CUX1: variants seen among roughly 807,000 people sequenced by gnomAD.
CUX1 encodes cut like homeobox 1, also known as protein CASP.
A neutral mutation model predicts 158.8 loss-of-function variants in CUX1; 31 were observed. The ratio of observed to expected loss-of-function variants is 0.20; its 90% CI spans 0.15 to 0.26. The LOEUF (loss-of-function observed/expected upper bound fraction) is 0.26. Ranked by LOEUF, CUX1 falls within the 10% of genes least tolerant of loss-of-function variation. The probability of loss-of-function intolerance (pLI) is 1.00; values close to 1 mark genes in which losing one functional copy is unlikely to be tolerated. For missense variants in CUX1, 1,589 were observed against 2,014.6 expected (o/e 0.79, Z 4.04); for synonymous variants, 879 against 862.1 (o/e 1.02, Z -0.34).
chr7:102,204,304 T>C lies in CUX1; in HGVS notation c.2908-87T>C, dbSNP rs1259765382. On this transcript the variant is annotated intron_variant, in intron 18 of 23. Coordinates refer to ENST00000292535, the MANE Select transcript of CUX1 (RefSeq NM_181552.4). ...AGAAGTCAGCCCTAGACGCGCCCTC[T>C]GCGTGGTGGGTGTGCATTGCAGCAG... is the stretch of plus-strand genomic sequence containing the variant. 5 of 1,540,752 alleles carry C rather than the reference T, an allele frequency of 3.2e-6. No individual in the cohort carries two copies. In the Admixed American group the frequency reaches 8.7e-5, roughly 27 times the overall value.
At chr7:101,947,406 C>T (rs892129930) in intron 2 of CUX1, among the ~76,000 whole-genome samples, 9 of 152,044 alleles carry the variant, frequency 5.9e-5, no homozygotes, top group African/African-American at 1.9e-4. Flanking sequence ...AAACAAAAAC[C>T]GAAAAAACCA....
intron 4 of CUX1, among the ~76,000 whole-genome samples, chr7:102,079,438 A>AG (rs1376231108): frequency 2.2e-5 from 2 of 92,104 alleles, no homozygotes; most frequent in African/African-American, 1.1e-4. Context: ...ACTCTGTCTC[A>AG]AAAAAAAAAA....
intron 20 of CUX1, among the ~76,000 whole-genome samples, chr7:102,215,831 A>G (rs1165381890): frequency 6.6e-6 from 1 of 152,148 alleles, no homozygotes; most frequent in African/African-American, 2.4e-5. Flanking sequence ...CAGCCCAGAC[A>G]TTACCCGCAC....
chr7:102,155,794 G>A (rs1200812365), intron 8 of CUX1, among the ~76,000 whole-genome samples: 1 of 152,058 alleles, frequency 6.6e-6, no homozygotes, highest in African/African-American at 2.4e-5. Context: ...GTCAGATCTT[G>A]GAGGTTTCAC....
intron 1 of CUX1, among the ~76,000 whole-genome samples, chr7:101,908,438 G>A (rs1803007487): frequency 7.0e-6 from 1 of 142,534 alleles, no homozygotes; most frequent in African/African-American, 2.6e-5. Context: ...GAACCACTGC[G>A]CCCAGCCTGT....
intron 3 of CUX1, among the ~76,000 whole-genome samples, chr7:102,058,441 ATTT>A (rs35906137): frequency 1.3e-4 from 19 of 146,810 alleles, no homozygotes; most frequent in African/African-American, 4.0e-4. Context: ...CACCTGGCTA[ATTT>A]TTTTTTTTTT....
intron 2 of CUX1, among the ~76,000 whole-genome samples, chr7:101,986,704 G>T (rs1194108725): frequency 1.3e-5 from 2 of 152,212 alleles, no homozygotes; most frequent in Non-Finnish European, 2.9e-5. Context: ...AACTGGTGGT[G>T]GTTTGGAGAC....
chr7:102,172,049 A>G (rs1372580630), intron 10 of CUX1, among the ~76,000 whole-genome samples: 2 of 152,178 alleles, frequency 1.3e-5, no homozygotes, highest in Non-Finnish European at 1.5e-5. Flanking sequence ...TCAATCATTG[A>G]CAATCATTAT....
intron 1 of CUX1, among the ~76,000 whole-genome samples, chr7:101,881,780 T>A (rs1392365409): frequency 6.6e-6 from 1 of 152,132 alleles, no homozygotes; most frequent in Non-Finnish European, 1.5e-5. Flanking sequence ...TCCAGAAACC[T>A]CCTTGAAGGT....
chr7:101,867,346 C>T (rs566034165), intron 1 of CUX1, among the ~76,000 whole-genome samples: 1 of 152,310 alleles, frequency 6.6e-6, no homozygotes, highest in African/African-American at 2.4e-5. Flanking sequence ...GTAATGTGCT[C>T]GCCCTGCCCC....
chr7:102,123,380 C>T (rs1034554682), intron 8 of CUX1, among the ~76,000 whole-genome samples: 2 of 151,820 alleles, frequency 1.3e-5, no homozygotes, highest in Non-Finnish European at 2.9e-5. Context: ...GAGGCCGAGG[C>T]GGGCGAATCA....
intron 1 of CUX1, among the ~76,000 whole-genome samples, chr7:101,897,788 G>A (rs182230790): frequency 6.6e-6 from 1 of 152,206 alleles, no homozygotes; most frequent in African/African-American, 2.4e-5. Flanking sequence ...TTCCAGTGTG[G>A]TAGTCTTAGG....
chr7:101,995,990 G>A lies in CUX1; in HGVS notation c.142-32108G>A, dbSNP rs531932812. 2.4e-3 allele frequency among the ~76,000 whole-genome samples: 362 copies of A among 152,092 alleles called. 1 individual carries two copies. Among genetic ancestry groups the A allele is most frequent in the Non-Finnish European group, 1.1e-3 (76 of 67,986 alleles). ...TAGCCGGGCATGGTGGTGCACACCT[G>A]TAGCCCAGCTACTCGGGAGGCTGAG... On this transcript the variant is annotated intron_variant, in intron 2 of 23. Coordinates refer to ENST00000292535, the MANE Select transcript of CUX1 (RefSeq NM_181552.4).
chr7:101,831,932 T>TA (rs56742964), intron 1 of CUX1, among the ~76,000 whole-genome samples: 22,330 of 151,592 alleles, frequency 0.15, 1,791 homozygotes, highest in Non-Finnish European at 0.18. Flanking sequence ...TTTGTAGAGA[T>TA]GGGGGGGTCT....
chr7:102,062,287 A>G (rs1272978941), intron 3 of CUX1, among the ~76,000 whole-genome samples: 1 of 152,106 alleles, frequency 6.6e-6, no homozygotes, highest in Admixed American at 6.5e-5. Context: ...CAGGGAGCCT[A>G]GATGGTAGTT....
chr7:101,911,766 A>C (rs1803506872), intron 1 of CUX1, among the ~76,000 whole-genome samples: 1 of 152,174 alleles, frequency 6.6e-6, no homozygotes, highest in African/African-American at 2.4e-5. Flanking sequence ...CATTGACTTG[A>C]GAGAGGAATA....
At chr7:102,008,503 C>T (rs545089930) in intron 2 of CUX1, among the ~76,000 whole-genome samples, 27 of 152,234 alleles carry the variant, frequency 1.8e-4, no homozygotes, top group Non-Finnish European at 3.4e-4. Context: ...CCTGGTATTT[C>T]GGTCGTGTGC....
chr7:102,066,160 T>G (rs1825523754), intron 3 of CUX1, among the ~76,000 whole-genome samples: 1 of 152,148 alleles, frequency 6.6e-6, no homozygotes, highest in Non-Finnish European at 1.5e-5. Flanking sequence ...GAGAATCTAC[T>G]GTGTCCCTGT....
At position 102,100,943 on chromosome 7, in the gene CUX1, C is replaced by T. The variant is rs553409034; in HGVS notation, c.407-3393C>T. On this transcript the variant is annotated intron_variant, in intron 5 of 23. Coordinates refer to ENST00000292535, the MANE Select transcript of CUX1 (RefSeq NM_181552.4). ...GTATGAGCACGATGCCAGCCTCTGC[C>T]CAGCTTCTGAGGGTCCTCAGGAAGC... Among the ~76,000 whole-genome samples the T allele has an allele frequency of 7.9e-5, 12 of 152,288 alleles. No homozygotes were observed. In the East Asian group the frequency reaches 2.3e-3, roughly 29 times the overall value.
Sources: allele counts gnomAD v4.1 joint callset (sites outside exome capture counted in the v4.1 genomes callset), GRCh38; gene constraint gnomAD v4.1.1; transcripts MANE v1.5; gene names NCBI Gene and HGNC (gene_info 2026-07-23, HGNC 2026-07-21).